Variants in PKD1L1 observed in about 807,000 individuals in gnomAD.
PKD1L1 encodes the protein polycystin-1-like protein 1.
In PKD1L1, 236 loss-of-function variants were observed where a neutral mutation model predicts 323.4. The ratio of observed to expected loss-of-function variants is 0.73; its 90% CI spans 0.66 to 0.81. PKD1L1 has a LOEUF of 0.81. PKD1L1 is among the 40% of genes least tolerant of loss of function. PKD1L1 has a pLI of 0.00. For synonymous variants in PKD1L1, 1,344 were observed against 1,335.0 expected (o/e 1.01, Z -0.15); for missense variants, 3,320 against 3,508.0 (o/e 0.95, Z 1.35).
At chr7:47,903,539 T>C (rs1003584389) in intron 12 of PKD1L1, among the ~76,000 whole-genome samples, 1 of 152,130 alleles carries the variant, frequency 6.6e-6, no homozygotes, top group African/African-American at 2.4e-5. Flanking sequence ...CCTGAATCCA[T>C]AGTTAGTGAT....
At chr7:47,959,567 G>A in the PKD1L1 span, among the ~76,000 whole-genome samples, 1 of 143,828 alleles carries the variant, frequency 7.0e-6, no homozygotes, top group Non-Finnish European at 1.6e-5. Flanking sequence ...TCTGAGAAGT[G>A]AGGAGACCCT....
At chr7:47,931,027 C>G in intron 6 of PKD1L1, 77 bp downstream of exon 6, 1 of 1,394,824 alleles carries the variant, frequency 7.2e-7, no homozygotes, top group Non-Finnish European at 9.8e-7. Flanking sequence ...ACTAAAATCA[C>G]TAACGGATTG....
At chr7:47,802,178 C>G (rs1380635577) in intron 53 of PKD1L1, among the ~76,000 whole-genome samples, 1 of 127,058 alleles carries the variant, frequency 7.9e-6, no homozygotes, top group African/African-American at 3.1e-5. Context: ...GGTGACAGAG[C>G]GAGACTCTAT....
chr7:47,831,130 G>C (rs187455698), intron 42 of PKD1L1, 87 bp downstream of exon 42: 14 of 1,479,570 alleles, frequency 9.5e-6, no homozygotes, highest in Admixed American at 4.2e-5. Flanking sequence ...TGCATCTGAT[G>C]AGTTCCCAGA....
At chr7:47,803,371 T>G (rs752029535) in intron 52 of PKD1L1, 27 bp from the exon 53 acceptor site, 1 of 1,612,010 alleles carries the variant, frequency 6.2e-7, no homozygotes, top group Admixed American at 1.7e-5. Flanking sequence ...TAACAGTCAG[T>G]GTGCCATGCC....
intron 33 of PKD1L1, among the ~76,000 whole-genome samples, chr7:47,844,539 G>C (rs1298911553): frequency 6.6e-6 from 1 of 152,260 alleles, no homozygotes; most frequent in Non-Finnish European, 1.5e-5. Flanking sequence ...TATAAAAGTG[G>C]CTATAAAAAT....
At chr7:47,849,304 C>T (rs1310585230) in intron 31 of PKD1L1, among the ~76,000 whole-genome samples, 3 of 152,042 alleles carry the variant, frequency 2.0e-5, no homozygotes, top group South Asian at 4.1e-4. Flanking sequence ...TAATTCATGA[C>T]CAAGACCCAA....
chr7:47,862,040 C>G (rs1189100771), intron 26 of PKD1L1, among the ~76,000 whole-genome samples: 1 of 151,650 alleles, frequency 6.6e-6, no homozygotes. Flanking sequence ...ATTAAAAATA[C>G]AAAAATTGGC....
At chr7:47,779,874 G>A (rs1786651165) in intron 56 of PKD1L1, among the ~76,000 whole-genome samples, 1 of 152,190 alleles carries the variant, frequency 6.6e-6, no homozygotes, top group Admixed American at 6.5e-5. Flanking sequence ...TGGGAGAAAG[G>A]AGGTGCCCAG....
At chr7:47,938,750 C>T (rs967723827) in intron 3 of PKD1L1, among the ~76,000 whole-genome samples, 5 of 152,134 alleles carry the variant, frequency 3.3e-5, no homozygotes, top group Non-Finnish European at 7.4e-5. Flanking sequence ...CTAAAGGCAT[C>T]GATCTATGCC....
chr7:47,912,724 G>A (rs1787346810), intron 8 of PKD1L1, among the ~76,000 whole-genome samples: 1 of 145,776 alleles, frequency 6.9e-6, no homozygotes, highest in Non-Finnish European at 1.5e-5. Flanking sequence ...GCTGAGGCAT[G>A]AGAATCACTT....
the PKD1L1 span, among the ~76,000 whole-genome samples, chr7:47,958,894 G>A: frequency 6.6e-6 from 1 of 152,094 alleles, no homozygotes; most frequent in African/African-American, 2.4e-5. Flanking sequence ...CTGTACTGCT[G>A]CCATCTCGGC....
chr7:47,896,088 G>C (rs1786928755), intron 14 of PKD1L1, among the ~76,000 whole-genome samples: 1 of 152,188 alleles, frequency 6.6e-6, no homozygotes, highest in African/African-American at 2.4e-5. Context: ...TATAATCCCA[G>C]CACTTTGGGA....
chr7:47,779,136 T>C (rs1786633968), intron 56 of PKD1L1, among the ~76,000 whole-genome samples: 1 of 151,546 alleles, frequency 6.6e-6, no homozygotes. Context: ...ACTTATTTTT[T>C]AGGCTAAGCA....
intron 31 of PKD1L1, among the ~76,000 whole-genome samples, chr7:47,850,226 A>G (rs1371268501): frequency 6.6e-6 from 1 of 152,258 alleles, no homozygotes; most frequent in East Asian, 1.9e-4. Flanking sequence ...GGTGATAACA[A>G]GGTATAAGAA....
rs767820697 is a variant in PKD1L1 at position 47,931,922 on chromosome 7, G to A, written c.519+14C>T. The A allele has an allele frequency of 6.2e-7, 1 of 1,605,688 alleles. No homozygotes were observed. The highest frequency in any genetic ancestry group is 1.7e-5 in the Admixed American group (1 of 59,150). On this transcript the variant is annotated intron_variant, in intron 5 of 56. Transcript: ENST00000289672. ...CTTTCTGATGAAATTCAATTGCAGGGGTTAGATACCAACCTGGAGAAGAGC... is the reference window on the plus strand; with the variant it reads ...CTTTCTGATGAAATTCAATTGCAGGAGTTAGATACCAACCTGGAGAAGAGC...
rs537054913 is a variant in PKD1L1 at position 47,880,397 on chromosome 7, T to C, written c.3520+331A>G. ...CCTGGGTTCACGCCATTCTCCTGCC[T>C]CGGCCTCTCGAATAGCTGGGATTAC... On this transcript the variant is annotated intron_variant, in intron 21 of 56. Coordinates refer to ENST00000289672, the MANE Select transcript of PKD1L1 (RefSeq NM_138295.5). Among the ~76,000 whole-genome samples, 177 of 147,880 alleles carry C rather than the reference T, an allele frequency of 1.2e-3. 1 individual carries two copies. The highest frequency in any genetic ancestry group is 0.01 in the Admixed American group (154 of 14,862).
chr7:47,865,402 A>G (rs1029117103), intron 25 of PKD1L1, 130 bp from the exon 26 acceptor site: 2 of 722,184 alleles, frequency 2.8e-6, no homozygotes, highest in African/African-American at 1.8e-5. Context: ...CAAAAGACCA[A>G]TTGGAGGCCA....
chr7:47,882,121 A>T, intron 19 of PKD1L1, 36 bp from the exon 20 acceptor site: 1 of 1,602,780 alleles, frequency 6.2e-7, no homozygotes, highest in Non-Finnish European at 8.5e-7. Flanking sequence ...ATGTTAAAGA[A>T]AAAAAGTCAT....
Sources: gnomAD v4.1 joint callset for allele counts (sites outside exome capture counted in the v4.1 genomes callset) on GRCh38, gnomAD v4.1.1 for gene constraint, MANE v1.5 for transcripts, NCBI Gene and HGNC (gene_info 2026-07-23, HGNC 2026-07-21) for gene names.